Variants in GRIA3 observed in about 807,000 individuals in gnomAD.
GRIA3 encodes the protein glutamate receptor 3.
GRIA3 carries 3 observed loss-of-function variants against 63.0 expected under a neutral mutation model. The ratio of observed to expected loss-of-function variants is 0.05; its 90% CI spans 0.02 to 0.12. GRIA3 has a LOEUF of 0.12. Ranked by LOEUF, GRIA3 falls within the 10% of genes least tolerant of loss-of-function variation. GRIA3 has a pLI of 1.00. For synonymous variants in GRIA3, 274 were observed against 257.9 expected (o/e 1.06, Z -0.60); for missense variants, 347 against 700.9 (o/e 0.50, Z 5.70).
At chrX:123,297,048 C>T (rs1216741887) in intron 3 of GRIA3, among the ~76,000 whole-genome samples, 3 of 111,228 alleles carry the variant, frequency 2.7e-5, no homozygotes, top group Non-Finnish European at 5.7e-5. Context: ...ATGGAGAAGA[C>T]CCTAAAGACA....
At chrX:123,480,820 C>T (rs748425614) in intron 14 of GRIA3, among the ~76,000 whole-genome samples, 2 of 111,641 alleles carry the variant, frequency 1.8e-5, no homozygotes, top group East Asian at 2.8e-4. Flanking sequence ...AAAATTTAGT[C>T]GCATGCTCCT....
chrX:123,380,569 C>A (rs749966808), intron 5 of GRIA3, among the ~76,000 whole-genome samples: 6 of 111,516 alleles, frequency 5.4e-5, no homozygotes, highest in African/African-American at 2.0e-4. Context: ...GAGTAGATTG[C>A]AAAAATTTTC....
At chrX:123,305,953 G>C (rs760020759) in intron 3 of GRIA3, among the ~76,000 whole-genome samples, 1 of 111,701 alleles carries the variant, frequency 9.0e-6, no homozygotes, top group South Asian at 3.7e-4. Flanking sequence ...AGACTAAATG[G>C]TCTATTGAGA....
intron 3 of GRIA3, among the ~76,000 whole-genome samples, chrX:123,305,388 A>T (rs1308382270): frequency 8.9e-6 from 1 of 112,043 alleles, no homozygotes; most frequent in African/African-American, 3.2e-5. Flanking sequence ...GAAATTAGAG[A>T]AATGATGCAT....
At chrX:123,370,085 C>T (rs770398774) in intron 5 of GRIA3, among the ~76,000 whole-genome samples, 44 of 111,579 alleles carry the variant, frequency 3.9e-4, no homozygotes, top group Middle Eastern at 9.2e-3. Context: ...ACCTACAATT[C>T]GCAAGTGGTC....
intron 2 of GRIA3, chrX:123,204,684 T>C: frequency 1.9e-6 from 2 of 1,027,495 alleles, no homozygotes; most frequent in South Asian, 2.7e-5. Flanking sequence ...ATTCCTCAAA[T>C]CCTGTGTTCA....
At chrX:123,423,119 C>A (rs143332837) in intron 11 of GRIA3, among the ~76,000 whole-genome samples, 1 of 111,495 alleles carries the variant, frequency 9.0e-6, no homozygotes, top group African/African-American at 3.3e-5. Context: ...GAGGGCTAGA[C>A]AAATTGAAGA....
At chrX:123,285,926 A>C (rs1243342188) in intron 3 of GRIA3, among the ~76,000 whole-genome samples, 1 of 109,220 alleles carries the variant, frequency 9.2e-6, no homozygotes, top group Non-Finnish European at 1.9e-5. Flanking sequence ...ACCTAATAGA[A>C]ATCTACAGAA....
At chrX:123,288,058 T>C (rs1230957720) in intron 3 of GRIA3, among the ~76,000 whole-genome samples, 11 of 111,993 alleles carry the variant, frequency 9.8e-5, no homozygotes, top group Admixed American at 3.8e-4. Flanking sequence ...GTACTGGTAC[T>C]AAAACAGATA....
At chrX:123,444,394 T>C (rs1181815228) in intron 12 of GRIA3, among the ~76,000 whole-genome samples, 2 of 112,231 alleles carry the variant, frequency 1.8e-5, no homozygotes, top group Non-Finnish European at 3.8e-5. Flanking sequence ...GCCAGGAAAT[T>C]CCTGCCCTGT....
intron 3 of GRIA3, among the ~76,000 whole-genome samples, chrX:123,297,310 A>G (rs1415988769): frequency 8.9e-6 from 1 of 111,873 alleles, no homozygotes; most frequent in Non-Finnish European, 1.9e-5. Context: ...TTGAACCCCT[A>G]TGGGTTTATT....
chrX:123,211,706 A>AAGTTGTAAGAGTC (rs1158900238), intron 2 of GRIA3, among the ~76,000 whole-genome samples: 1 of 111,988 alleles, frequency 8.9e-6, no homozygotes, highest in African/African-American at 3.2e-5. Context: ...GACTTATGCA[A>AAGTTGTAAGAGTC]AGTTGTAAGA....
chrX:123,237,975 G>T (rs1455994888), intron 2 of GRIA3, among the ~76,000 whole-genome samples: 1 of 111,651 alleles, frequency 9.0e-6, no homozygotes, highest in Non-Finnish European at 1.9e-5. Context: ...GAATTAATTT[G>T]AATGATGTTC....
chrX:123,317,991 A>T (rs1004409132), intron 3 of GRIA3, among the ~76,000 whole-genome samples: 1 of 112,239 alleles, frequency 8.9e-6, no homozygotes, highest in Non-Finnish European at 1.9e-5. Context: ...AGGTTTCCAA[A>T]CCCCAATTCT....
At chrX:123,213,315 T>G (rs1928084275) in intron 2 of GRIA3, among the ~76,000 whole-genome samples, 1 of 112,511 alleles carries the variant, frequency 8.9e-6, no homozygotes, top group African/African-American at 3.2e-5. Context: ...AGCATTAATG[T>G]TTAGTGAGCA....
chrX:123,305,635 T>C (rs2044750492), intron 3 of GRIA3, among the ~76,000 whole-genome samples: 1 of 112,049 alleles, frequency 8.9e-6, no homozygotes, highest in Admixed American at 9.5e-5. Flanking sequence ...ATTTTGTATA[T>C]GTCTGAGAGA....
At chrX:123,321,786 A>G in intron 3 of GRIA3, among the ~76,000 whole-genome samples, 1 of 112,099 alleles carries the variant, frequency 8.9e-6, no homozygotes, top group Non-Finnish European at 1.9e-5. Context: ...CAAGAAGTTT[A>G]TTGGCTGGTA....
chrX:123,372,499 C>T (rs896754451), intron 5 of GRIA3, among the ~76,000 whole-genome samples: 1 of 112,133 alleles, frequency 8.9e-6, no homozygotes, highest in Non-Finnish European at 1.9e-5. Flanking sequence ...TTCTTCCAAT[C>T]CATGAACATG....
intron 12 of GRIA3, among the ~76,000 whole-genome samples, chrX:123,452,750 C>T (rs1440834027): frequency 1.8e-5 from 2 of 111,883 alleles, no homozygotes; most frequent in African/African-American, 6.5e-5. Flanking sequence ...AAAAATAGAA[C>T]TCTAGAAGGC....
Sources: allele counts gnomAD v4.1 joint callset (sites outside exome capture counted in the v4.1 genomes callset), GRCh38; gene constraint gnomAD v4.1.1; transcripts MANE v1.5; gene names NCBI Gene and HGNC (gene_info 2026-07-23, HGNC 2026-07-21).